Variants in MDGA2 observed in about 807,000 individuals in gnomAD.
MDGA2 encodes MAM domain-containing glycosylphosphatidylinositol anchor protein 2.
MDGA2 carries 40 observed loss-of-function variants against 117.8 expected under a neutral mutation model. The ratio of observed to expected loss-of-function variants is 0.34; its 90% CI spans 0.26 to 0.44. The LOEUF (loss-of-function observed/expected upper bound fraction) is 0.44, where lower values mean the gene tolerates loss of function less well. Ranked by LOEUF, MDGA2 falls within the 20% of genes least tolerant of loss-of-function variation. The pLI is 1.00. For synonymous variants in MDGA2, 452 were observed against 439.0 expected (o/e 1.03, Z -0.37); for missense variants, 1,123 against 1,250.6 (o/e 0.90, Z 1.54).
At chr14:47,408,155 A>C (rs1340234913) in intron 1 of MDGA2, among the ~76,000 whole-genome samples, 3 of 146,160 alleles carry the variant, frequency 2.1e-5, no homozygotes, top group African/African-American at 7.6e-5. Context: ...TCCCGGGTTC[A>C]AGCAATTCTC....
At chr14:47,597,849 C>CACAT (rs1223169863) in intron 1 of MDGA2, among the ~76,000 whole-genome samples, 1 of 101,734 alleles carries the variant, frequency 9.8e-6, no homozygotes, top group African/African-American at 4.4e-5. Context: ...CACACATACA[C>CACAT]ACACACACAC....
chr14:47,418,300 G>T (rs534774850), intron 1 of MDGA2, among the ~76,000 whole-genome samples: 22 of 152,020 alleles, frequency 1.4e-4, no homozygotes, highest in Middle Eastern at 3.4e-3. Context: ...TGGCCAGGCT[G>T]ATCTCGAACT....
chr14:47,607,756 G>A (rs1896768054), intron 1 of MDGA2, among the ~76,000 whole-genome samples: 1 of 152,082 alleles, frequency 6.6e-6, no homozygotes, highest in Non-Finnish European at 1.5e-5. Context: ...TATGGGATAT[G>A]TATTTTATAA....
intron 1 of MDGA2, among the ~76,000 whole-genome samples, chr14:47,544,560 G>A (rs1461851466): frequency 6.6e-6 from 1 of 152,058 alleles, no homozygotes; most frequent in Non-Finnish European, 1.5e-5. Flanking sequence ...GTTTTTTTGT[G>A]TGTGTTTGCT....
chr14:47,247,967 C>T (rs1243729153), intron 2 of MDGA2, among the ~76,000 whole-genome samples: 2 of 151,428 alleles, frequency 1.3e-5, no homozygotes, highest in African/African-American at 4.8e-5. Context: ...CTGCAAAGTA[C>T]ATGAATACAT....
At chr14:47,455,676 A>G (rs576933878) in intron 1 of MDGA2, among the ~76,000 whole-genome samples, 1 of 152,282 alleles carries the variant, frequency 6.6e-6, no homozygotes, top group South Asian at 2.1e-4. Context: ...CTTATGAGTG[A>G]ATGTAAATTG....
chr14:47,381,278 G>A (rs1312575405), intron 1 of MDGA2, among the ~76,000 whole-genome samples: 1 of 152,138 alleles, frequency 6.6e-6, no homozygotes, highest in Admixed American at 6.5e-5. Flanking sequence ...AAAACTGGAA[G>A]CATTCCCTTT....
intron 8 of MDGA2, among the ~76,000 whole-genome samples, chr14:47,023,964 T>C (rs879573869): frequency 3.9e-5 from 6 of 152,116 alleles, no homozygotes; most frequent in Admixed American, 2.6e-4. Context: ...CAAAACAAGA[T>C]TGAAAAGTAA....
At chr14:47,131,663 A>T (rs2139152285) in intron 5 of MDGA2, 51 bp downstream of exon 5, 1 of 1,392,432 alleles carries the variant, frequency 7.2e-7, no homozygotes. Context: ...GAGAGTTTTT[A>T]AACATTAGTT....
At chr14:47,113,461 A>G (rs1344494288) in intron 5 of MDGA2, among the ~76,000 whole-genome samples, 2 of 152,208 alleles carry the variant, frequency 1.3e-5, no homozygotes, top group African/African-American at 2.4e-5. Flanking sequence ...TACAATAAAA[A>G]AAGGAAACTG....
rs989357905 is a variant in MDGA2 at position 47,495,258 on chromosome 14, G to A, written c.280+179259C>T. Among the ~76,000 whole-genome samples the A allele has an allele frequency of 5.9e-5, 9 of 152,076 alleles. 1 individual carries two copies. The highest frequency in any genetic ancestry group is 1.7e-4 in the African/African-American group (7 of 41,472). ...ACAGAGTGTAATAATAGACACTGGC[G>A]ACTTCAAAAGGTAGGTGGGTGGGTG... On this transcript the variant is annotated intron_variant, in intron 1 of 16. Coordinates refer to ENST00000399232, the MANE Select transcript of MDGA2 (RefSeq NM_001113498.3).
At chr14:46,914,599 T>C (rs1367476406) in intron 10 of MDGA2, among the ~76,000 whole-genome samples, 1 of 152,098 alleles carries the variant, frequency 6.6e-6, no homozygotes, top group Non-Finnish European at 1.5e-5. Context: ...CCTACATCTA[T>C]GAGTTTAATA....
chr14:47,154,386 G>C (rs912856164), intron 3 of MDGA2, among the ~76,000 whole-genome samples: 2 of 152,180 alleles, frequency 1.3e-5, no homozygotes, highest in South Asian at 2.1e-4. Context: ...TGCGGGAGCC[G>C]GGAACAGGCA....
intron 2 of MDGA2, among the ~76,000 whole-genome samples, chr14:47,235,455 G>C (rs972092685): frequency 6.6e-6 from 1 of 152,082 alleles, no homozygotes; most frequent in Non-Finnish European, 1.5e-5. Context: ...TAGGCAGAGG[G>C]GATCTTAAAA....
At chr14:47,300,664 A>AT (rs1416346036) in intron 2 of MDGA2, among the ~76,000 whole-genome samples, 413 of 141,126 alleles carry the variant, frequency 2.9e-3, no homozygotes, top group East Asian at 6.6e-3. Context: ...TAATTTTTTA[A>AT]TTTTTTTTTT....
At chr14:47,128,257 T>C (rs1351250856) in intron 5 of MDGA2, among the ~76,000 whole-genome samples, 1 of 152,108 alleles carries the variant, frequency 6.6e-6, no homozygotes, top group Non-Finnish European at 1.5e-5. Flanking sequence ...AAGAAAAATC[T>C]ACCTGTTTAT....
At chr14:47,045,679 G>C (rs896572856) in intron 7 of MDGA2, among the ~76,000 whole-genome samples, 8 of 152,010 alleles carry the variant, frequency 5.3e-5, no homozygotes, top group Non-Finnish European at 1.2e-4. Flanking sequence ...TAACAAGAAA[G>C]GGGGGGCAGG....
intron 5 of MDGA2, among the ~76,000 whole-genome samples, chr14:47,111,593 C>T (rs1403508534): frequency 1.3e-5 from 2 of 152,102 alleles, no homozygotes; most frequent in African/African-American, 4.8e-5. Flanking sequence ...GGTTCTTAAG[C>T]CATTGCTCTG....
intron 8 of MDGA2, among the ~76,000 whole-genome samples, chr14:47,004,849 A>T (rs1887656260): frequency 6.6e-6 from 1 of 151,656 alleles, no homozygotes; most frequent in Non-Finnish European, 1.5e-5. Flanking sequence ...AAATGTTTTT[A>T]AAATGGTATT....
Sources: allele counts gnomAD v4.1 joint callset (sites outside exome capture counted in the v4.1 genomes callset), GRCh38; gene constraint gnomAD v4.1.1; transcripts MANE v1.5; gene names NCBI Gene and HGNC (gene_info 2026-07-23, HGNC 2026-07-21).